CPVL: variants seen among roughly 807,000 people sequenced by gnomAD.
CPVL encodes the protein probable serine carboxypeptidase CPVL.
Under a neutral mutation model 63.7 loss-of-function variants are expected in CPVL, and 51 were observed. The ratio of observed to expected loss-of-function variants is 0.80; its 90% confidence interval spans 0.64 to 1.01. CPVL has a LOEUF of 1.01. Ranked by LOEUF, CPVL falls within the 50% of genes least tolerant of loss-of-function variation. CPVL has a pLI of 0.00. For missense variants in CPVL, 530 were observed against 573.1 expected, an observed-to-expected ratio of 0.92 and a Z score of 0.77; for synonymous variants, 195 against 206.0, an observed-to-expected ratio of 0.95 and a Z score of 0.46.
At chr7:29,113,218 G>A (rs1257435539) in intron 2 of CPVL, among the ~76,000 whole-genome samples, 1 of 152,074 alleles carries the variant, frequency 6.6e-6, no homozygotes, top group African/African-American at 2.4e-5. Context: ...TGGGGTGCAA[G>A]AGTAACAATG....
intron 1 of CPVL, among the ~76,000 whole-genome samples, chr7:29,189,793 A>C (rs1429377968): frequency 6.6e-6 from 1 of 152,222 alleles, no homozygotes; most frequent in African/African-American, 2.4e-5. Context: ...GCCCAAGCTA[A>C]GTGGCCAAAT....
At chr7:29,180,888 C>G (rs2128742416) in intron 5 of CPVL, among the ~76,000 whole-genome samples, 1 of 152,278 alleles carries the variant, frequency 6.6e-6, no homozygotes. Context: ...TGACTGCTTG[C>G]AGTGTAATTG....
rs542981069 is a variant in CPVL at position 28,999,913 on chromosome 7, A to T, written c.1321-4031T>A. ...AACCACTCTTGTTTATAATCAAGCC[A>T]CTCACCATTCACAAATCAAAGATAA... On this transcript the variant is annotated intron_variant, in intron 12 of 12. Transcript: ENST00000265394. Among the ~76,000 whole-genome samples the T allele has an allele frequency of 6.6e-5, 10 of 152,280 alleles. No homozygotes were observed. In the South Asian group the frequency reaches 2.1e-3, roughly 32 times the overall value.
chr7:29,103,179 C>CCG (rs1787344555), intron 3 of CPVL, among the ~76,000 whole-genome samples: 8 of 6,572 alleles, frequency 1.2e-3, no homozygotes, highest in Non-Finnish European at 1.4e-3. Flanking sequence ...AGTTAATATA[C>CCG]TGGGGGGGGG....
At position 29,112,744 on chromosome 7, in the gene CPVL, G is replaced by A. The variant is rs759869948; in HGVS notation, c.248C>T (p.Thr83Ile). 2.5e-5 allele frequency: 41 copies of A among 1,613,534 alleles called. No homozygotes were observed. Among genetic ancestry groups the A allele is most frequent in the Non-Finnish European group, 3.3e-5 (39 of 1,179,858 alleles). ...SYAGFLTVNKTYNSNLFFWFF... is the reference protein window; with the variant it reads ...SYAGFLTVNKIYNSNLFFWFF... ...CCAGAAGAAGAGGTTGCTGTTGTAA[G>A]TCTTATTCACGGTGAGGAAGCCGGC... Residue 83 changes from threonine to isoleucine, a missense_variant, in exon 3 of 13, where the codon ACT becomes ATT. Physicochemically the swap from Thr to Ile is moderately conservative, Grantham distance 89. Transcript: ENST00000265394.
intron 3 of CPVL, among the ~76,000 whole-genome samples, chr7:29,110,960 G>C (rs1788168619): frequency 6.6e-6 from 1 of 152,360 alleles, no homozygotes; most frequent in Middle Eastern, 3.4e-3. Flanking sequence ...GCCAAGGAAT[G>C]CGAGCAGCCT....
intron 1 of CPVL, among the ~76,000 whole-genome samples, chr7:29,145,322 G>A (rs1792392609): frequency 6.6e-6 from 1 of 152,058 alleles, no homozygotes; most frequent in Non-Finnish European, 1.5e-5. Context: ...GGCAAGTACT[G>A]AGGGGCTCCT....
Position 29,096,237 on chromosome 7 carries a change from C to T in CPVL, c.289-20G>A. The T allele has an allele frequency of 6.4e-7, 1 of 1,565,156 alleles. No homozygotes were observed. Among genetic ancestry groups the T allele is most frequent in the Non-Finnish European group, 8.8e-7 (1 of 1,135,430 alleles). ...CTGTATCTAGAGGAAACAGTAAAAC[C>T]AGTGACCACACAGAACACTCACTTA... On this transcript the variant is annotated intron_variant, in intron 3 of 12. Coordinates refer to ENST00000265394, the MANE Select transcript of CPVL (RefSeq NM_031311.5).
chr7:29,073,106 A>G (rs375515521), intron 7 of CPVL, among the ~76,000 whole-genome samples: 3 of 152,176 alleles, frequency 2.0e-5, no homozygotes, highest in African/African-American at 4.8e-5. Flanking sequence ...TGCCTTCTTG[A>G]TATCTCCACT....
chr7:29,078,828 C>T (rs965917490), intron 7 of CPVL, among the ~76,000 whole-genome samples: 16 of 152,172 alleles, frequency 1.1e-4, no homozygotes, highest in African/African-American at 3.6e-4. Flanking sequence ...TTCAGTTCTT[C>T]GGTTGCAGCT....
At chr7:29,024,360 C>T (rs1175048258) in intron 12 of CPVL, among the ~76,000 whole-genome samples, 1 of 152,108 alleles carries the variant, frequency 6.6e-6, no homozygotes, top group Non-Finnish European at 1.5e-5. Flanking sequence ...ATAAAGCAGG[C>T]AACCAAATAT....
intron 12 of CPVL, among the ~76,000 whole-genome samples, chr7:29,026,898 T>C (rs1043457012): frequency 6.6e-6 from 1 of 152,074 alleles, no homozygotes; most frequent in Non-Finnish European, 1.5e-5. Flanking sequence ...TTCTGCCAAA[T>C]TCTACCAAAC....
At chr7:29,106,463 C>A (rs979838782) in intron 3 of CPVL, among the ~76,000 whole-genome samples, 1 of 152,056 alleles carries the variant, frequency 6.6e-6, no homozygotes, top group African/African-American at 2.4e-5. Flanking sequence ...CCCCACCCCC[C>A]ACCTCAACAC....
rs533517837 is a variant in CPVL, at chr7:29,075,257, A to G, written c.610-2834T>C. Reference sequence around the variant, plus strand: ...CATCATGTGTATCTGGGTATCTGGGATATATCCAGGCAGGGAATTAAGAAG... The same window carrying G: ...CATCATGTGTATCTGGGTATCTGGGGTATATCCAGGCAGGGAATTAAGAAG... On this transcript the variant is annotated intron_variant, in intron 7 of 12. Transcript: ENST00000265394. Among the ~76,000 whole-genome samples, 8 of 152,268 alleles carry G rather than the reference A, an allele frequency of 5.3e-5. No homozygotes were observed. The East Asian group carries it at 1.5e-3, about 29-fold the overall frequency.
chr7:29,019,050 AATATAT>A (rs34018632), intron 12 of CPVL, among the ~76,000 whole-genome samples: 10,722 of 149,294 alleles, frequency 0.072, 426 homozygotes, highest in Middle Eastern at 0.12. Context: ...GATAGGTATA[AATATAT>A]ATATATATAT....
At chr7:29,063,808 G>A (rs1477596515) in intron 11 of CPVL, among the ~76,000 whole-genome samples, 5 of 152,040 alleles carry the variant, frequency 3.3e-5, no homozygotes, top group Admixed American at 2.6e-4. Flanking sequence ...TTGACCTCAG[G>A]TGATCCACCC....
In CPVL at chr7:29,054,886, C is replaced by G. The variant is rs77353422; in HGVS notation, c.1137+9175G>C. 5.8e-3 allele frequency among the ~76,000 whole-genome samples: 883 copies of G among 152,324 alleles called. 12 individuals are homozygous for G. The highest frequency in any genetic ancestry group is 0.019 in the African/African-American group (802 of 41,568). ...TATCTTCAGCACTGTCTAATCTACT[C>G]TTTAACCCATGCACTGAGTTTTAAA... On this transcript the variant is annotated intron_variant, in intron 11 of 12. Transcript: ENST00000265394.
intron 5 of CPVL, among the ~76,000 whole-genome samples, chr7:29,157,410 GAACTTCTCTA>G (rs1444829125): frequency 1.3e-5 from 2 of 151,620 alleles, no homozygotes; most frequent in Non-Finnish European, 2.9e-5. Flanking sequence ...TCTATATTTA[GAACTTCTCTA>G]GAGAAATGGC....
chr7:29,194,982 T>G, intron 1 of CPVL: 1 of 1,586,444 alleles, frequency 6.3e-7, no homozygotes, highest in Non-Finnish European at 8.6e-7. Context: ...GGCTCGTCGG[T>G]GTCCTCCGGT....
Sources: allele counts gnomAD v4.1 joint callset (sites outside exome capture counted in the v4.1 genomes callset), GRCh38; gene constraint gnomAD v4.1.1; transcripts MANE v1.5; gene names NCBI Gene and HGNC (gene_info 2026-07-23, HGNC 2026-07-21).